CTNNA3: variants seen among roughly 807,000 people sequenced by gnomAD.
CTNNA3 encodes the protein catenin alpha 3.
CTNNA3 carries 76 observed loss-of-function variants against 95.7 expected under a neutral mutation model. That is an observed-to-expected ratio of 0.79 (90% CI 0.66 to 0.96). The LOEUF is 0.96. Ranked by LOEUF, CTNNA3 falls within the 40% of genes least tolerant of loss-of-function variation. The pLI, the probability that CTNNA3 is intolerant of heterozygous loss-of-function variation, is 0.00. For missense variants in CTNNA3, 1,191 were observed against 1,089.8 expected (o/e 1.09, Z -1.31); for synonymous variants, 431 against 374.4 (o/e 1.15, Z -1.74).
intron 7 of CTNNA3, among the ~76,000 whole-genome samples, chr10:66,986,396 C>A (rs1169801715): frequency 1.3e-5 from 2 of 152,084 alleles, no homozygotes; most frequent in Non-Finnish European, 2.9e-5. Flanking sequence ...ACTCTGGAGG[C>A]TGAGACAGGA....
intron 14 of CTNNA3, among the ~76,000 whole-genome samples, chr10:66,095,312 A>C (rs1325344572): frequency 6.6e-6 from 1 of 152,154 alleles, no homozygotes; most frequent in Non-Finnish European, 1.5e-5. Flanking sequence ...ACCCAGAAAG[A>C]TAGGAGAGCA....
intron 12 of CTNNA3, among the ~76,000 whole-genome samples, chr10:66,311,067 G>A (rs1001259536): frequency 2.0e-5 from 3 of 152,112 alleles, no homozygotes; most frequent in Non-Finnish European, 4.4e-5. Flanking sequence ...TCAAAGTGTA[G>A]GTACAGTGTA....
chr10:65,969,095 C>T (rs1008855809), intron 16 of CTNNA3, among the ~76,000 whole-genome samples: 17 of 152,126 alleles, frequency 1.1e-4, no homozygotes, highest in African/African-American at 4.1e-4. Context: ...CATCTACAGG[C>T]TTGTAGGTGG....
intron 5 of CTNNA3, among the ~76,000 whole-genome samples, chr10:67,449,316 G>A (rs1846878713): frequency 6.6e-6 from 1 of 152,026 alleles, no homozygotes; most frequent in Non-Finnish European, 1.5e-5. Context: ...ATTCTTTACA[G>A]AACTAGAGAA....
intron 13 of CTNNA3, among the ~76,000 whole-genome samples, chr10:66,264,915 C>G (rs2091110078): frequency 6.6e-6 from 1 of 151,956 alleles, no homozygotes; most frequent in Non-Finnish European, 1.5e-5. Flanking sequence ...TAAGAGCAAG[C>G]AAAACAATAC....
At chr10:67,723,590 G>A (rs563812074) in intron 1 of CTNNA3, among the ~76,000 whole-genome samples, 10 of 152,186 alleles carry the variant, frequency 6.6e-5, no homozygotes, top group East Asian at 1.9e-4. Flanking sequence ...CACCATGCCC[G>A]GCATCTTTCA....
intron 15 of CTNNA3, among the ~76,000 whole-genome samples, chr10:65,998,291 T>C (rs2078705258): frequency 6.6e-6 from 1 of 152,242 alleles, no homozygotes; most frequent in Non-Finnish European, 1.5e-5. Flanking sequence ...ACCTATATAA[T>C]TGGATCCTTT....
At chr10:66,039,389 T>C (rs748615024) in intron 15 of CTNNA3, among the ~76,000 whole-genome samples, 28 of 152,174 alleles carry the variant, frequency 1.8e-4, no homozygotes, top group Non-Finnish European at 3.7e-4. Flanking sequence ...AAAACTATTT[T>C]GAAATTCATA....
At chr10:66,670,154 G>C (rs1029175468) in intron 9 of CTNNA3, among the ~76,000 whole-genome samples, 3 of 152,028 alleles carry the variant, frequency 2.0e-5, no homozygotes, top group African/African-American at 4.8e-5. Context: ...CTATGGGGGG[G>C]ATACGCATTA....
intron 7 of CTNNA3, among the ~76,000 whole-genome samples, chr10:66,998,241 A>T (rs956844298): frequency 2.0e-5 from 3 of 152,196 alleles, no homozygotes; most frequent in Non-Finnish European, 4.4e-5. Flanking sequence ...TTCTTTTTCT[A>T]TAAGCAGAAA....
At chr10:66,726,250 A>G (rs971685928) in intron 9 of CTNNA3, among the ~76,000 whole-genome samples, 2 of 152,086 alleles carry the variant, frequency 1.3e-5, no homozygotes, top group Non-Finnish European at 2.9e-5. Context: ...CAAAAATCAG[A>G]GTGGCCAAAG....
chr10:66,994,310 C>G (rs1851207655), intron 7 of CTNNA3, among the ~76,000 whole-genome samples: 1 of 152,158 alleles, frequency 6.6e-6, no homozygotes, highest in African/African-American at 2.4e-5. Flanking sequence ...ATGGGTTTGC[C>G]TGGCCTTTGC....
At chr10:66,269,143 A>G (rs1320143959) in intron 13 of CTNNA3, among the ~76,000 whole-genome samples, 2 of 152,236 alleles carry the variant, frequency 1.3e-5, no homozygotes, top group African/African-American at 4.8e-5. Flanking sequence ...CTGATGAACC[A>G]TCCTTACGTA....
intron 11 of CTNNA3, among the ~76,000 whole-genome samples, chr10:66,485,709 C>T (rs552802846): frequency 3.9e-5 from 6 of 151,940 alleles, no homozygotes; most frequent in Non-Finnish European, 8.8e-5. Flanking sequence ...ATACAAATTC[C>T]AATGGTATTT....
In CTNNA3 at chr10:67,692,145, G is replaced by A. The variant is rs1348224022; in HGVS notation, c.-6+3855C>T. Among the ~76,000 whole-genome samples, 9 of 151,070 alleles carry A rather than the reference G, an allele frequency of 6.0e-5. 1 individual carries two copies. The highest frequency in any genetic ancestry group is 2.1e-4 in the South Asian group (1 of 4,770). Reference sequence around the variant, plus strand: ...GGGTCAGCCCCCTGCCCGGCCAGCCGCCCCCTCTGGGAGGTGAGGGGTGCC... The same window carrying A: ...GGGTCAGCCCCCTGCCCGGCCAGCCACCCCCTCTGGGAGGTGAGGGGTGCC... On this transcript the variant is annotated intron_variant, in intron 1 of 17. Transcript: ENST00000433211.
At chr10:66,569,128 C>A (rs916842296) in intron 10 of CTNNA3, among the ~76,000 whole-genome samples, 5 of 152,012 alleles carry the variant, frequency 3.3e-5, no homozygotes, top group African/African-American at 1.2e-4. Context: ...CTCTCATTAG[C>A]CTTGCCCAAC....
Position 67,388,694 on chromosome 10 carries a change from A to G in CTNNA3, c.579+133148T>C, listed in dbSNP as rs867480274. Among the ~76,000 whole-genome samples the G allele has an allele frequency of 2.8e-3, 427 of 152,128 alleles. 10 individuals carry two copies. In the Middle Eastern group the frequency reaches 0.031, roughly 11 times the overall value. On this transcript the variant is annotated intron_variant, in intron 5 of 17. Coordinates refer to ENST00000433211, the MANE Select transcript of CTNNA3 (RefSeq NM_013266.4). Reference sequence around the variant, plus strand: ...GGTTACCCTCAAAGGGAAGCCCATCAGACTAACAGCGGATCTCTCGGCAGA... The same window carrying G: ...GGTTACCCTCAAAGGGAAGCCCATCGGACTAACAGCGGATCTCTCGGCAGA...
chr10:67,102,221 C>T (rs1298486231), intron 7 of CTNNA3, among the ~76,000 whole-genome samples: 1 of 151,612 alleles, frequency 6.6e-6, no homozygotes, highest in African/African-American at 2.4e-5. Context: ...TACAAAGGAC[C>T]CAGGAGCAAT....
intron 4 of CTNNA3, among the ~76,000 whole-genome samples, chr10:67,532,812 T>C (rs1237131065): frequency 6.6e-6 from 1 of 152,158 alleles, no homozygotes; most frequent in Non-Finnish European, 1.5e-5. Flanking sequence ...TTTCAAGGTA[T>C]TCGGAATAAG....
Sources: gnomAD v4.1 joint callset for allele counts (sites outside exome capture counted in the v4.1 genomes callset) on GRCh38, gnomAD v4.1.1 for gene constraint, MANE v1.5 for transcripts, NCBI Gene and HGNC (gene_info 2026-07-23, HGNC 2026-07-21) for gene names.